Variants in PTPRT observed in about 807,000 individuals in gnomAD.
PTPRT encodes protein tyrosine phosphatase receptor type T.
PTPRT carries 56 observed loss-of-function variants against 176.8 expected under a neutral mutation model. The ratio of observed to expected loss-of-function variants is 0.32; its 90% CI spans 0.26 to 0.40. The LOEUF is 0.40. PTPRT is among the 10% of genes least tolerant of loss of function. The pLI, the probability that PTPRT is intolerant of heterozygous loss-of-function variation, is 1.00. For missense variants in PTPRT, 1,540 were observed against 1,908.2 expected (o/e 0.81, Z 3.60); for synonymous variants, 783 against 739.0 (o/e 1.06, Z -0.96).
intron 5 of PTPRT, among the ~76,000 whole-genome samples, chr20:42,757,161 C>T (rs2076846894): frequency 6.6e-6 from 1 of 152,028 alleles, no homozygotes; most frequent in South Asian, 2.1e-4. Flanking sequence ...GGACACAGGC[C>T]TGGTGGTAAG....
At chr20:42,402,838 A>ATGTGTG (rs142450968) in intron 9 of PTPRT, among the ~76,000 whole-genome samples, 2 of 151,270 alleles carry the variant, frequency 1.3e-5, no homozygotes, top group East Asian at 3.9e-4. Flanking sequence ...GTGTATGTGC[A>ATGTGTG]TGTGTGTGTG....
Position 42,791,220 on chromosome 20 carries a change from CT to C in PTPRT, c.460del (p.Ser154AlafsTer10). ...CTGATAGAAATGTGGCCAGAAAGTGCTGATGGCGAGCTCTGCCTTCACCCAG... is the reference window on the plus strand; with the variant it reads ...CTGATAGAAATGTGGCCAGAAAGTGCGATGGCGAGCTCTGCCTTCACCCAG... ...EGWVKAELAI[S>X]TFWPHFYQVI... On this transcript the variant is annotated frameshift_variant, in exon 3 of 31. Coordinates refer to ENST00000373187, the MANE Select transcript of PTPRT (RefSeq NM_007050.6). LOFTEE classifies it high-confidence loss of function. 6.3e-7 allele frequency: 1 copy of C among 1,595,514 alleles called. No homozygotes were observed. The highest frequency in any genetic ancestry group is 8.5e-7 in the Non-Finnish European group (1 of 1,169,656).
rs77607064 is a variant in PTPRT at position 42,443,423 on chromosome 20, C to A, written c.1560+4797G>T. Among the ~76,000 whole-genome samples the A allele has an allele frequency of 9.1e-3, 1,386 of 152,318 alleles. 23 individuals are homozygous for A. Among genetic ancestry groups the A allele is most frequent in the African/African-American group, 0.03 (1,266 of 41,558 alleles). On this transcript the variant is annotated intron_variant, in intron 9 of 30. Transcript: ENST00000373187. ...TGTGGACACAAGGCCGTTGGTGCTG[C>A]CTCTATCTGTGCATGATCTGTCACT...
At chr20:42,272,982 A>G (rs552337258) in intron 13 of PTPRT, among the ~76,000 whole-genome samples, 26 of 152,278 alleles carry the variant, frequency 1.7e-4, no homozygotes, top group African/African-American at 5.8e-4. Flanking sequence ...TATCTCAGTG[A>G]TCACACATTC....
At chr20:43,167,832 T>C (rs1433497310) in intron 1 of PTPRT, among the ~76,000 whole-genome samples, 7 of 152,132 alleles carry the variant, frequency 4.6e-5, no homozygotes, top group Non-Finnish European at 1.0e-4. Flanking sequence ...TGCCAACAAC[T>C]ATATGAGGTT....
chr20:43,079,203 T>A (rs2011370686), intron 1 of PTPRT, among the ~76,000 whole-genome samples: 1 of 80,468 alleles, frequency 1.2e-5, no homozygotes, highest in Non-Finnish European at 2.2e-5. Flanking sequence ...CCTCTCTCCC[T>A]CTCTATTTCT....
chr20:43,132,935 G>C (rs1162562648), intron 1 of PTPRT, among the ~76,000 whole-genome samples: 2 of 152,140 alleles, frequency 1.3e-5, no homozygotes, highest in Non-Finnish European at 2.9e-5. Flanking sequence ...AAAAGGTAAA[G>C]TGTTTTATCA....
chr20:42,790,985 T>C (rs1425502839), intron 3 of PTPRT, among the ~76,000 whole-genome samples: 1 of 152,348 alleles, frequency 6.6e-6, no homozygotes, highest in African/African-American at 2.4e-5. Context: ...TGTTATTTTA[T>C]CTACATATCA....
chr20:42,349,373 G>A (rs1026123180), intron 11 of PTPRT, among the ~76,000 whole-genome samples: 2 of 152,182 alleles, frequency 1.3e-5, no homozygotes, highest in African/African-American at 2.4e-5. Context: ...CTCTTACAAC[G>A]TTGGTGAAAT....
chr20:42,493,506 AG>A (rs746215185), intron 7 of PTPRT, among the ~76,000 whole-genome samples: 54 of 152,224 alleles, frequency 3.5e-4, no homozygotes, highest in Non-Finnish European at 7.1e-4. Flanking sequence ...CCTATAAAGT[AG>A]GTGTTGAAAA....
intron 19 of PTPRT, among the ~76,000 whole-genome samples, chr20:42,125,771 GTCAGATGC>G (rs1987823372): frequency 6.6e-6 from 1 of 152,204 alleles, no homozygotes. Context: ...CCTGACTGTA[GTCAGATGC>G]TCATTCAACT....
intron 6 of PTPRT, among the ~76,000 whole-genome samples, chr20:42,709,007 A>G (rs987790951): frequency 3.3e-5 from 5 of 152,226 alleles, no homozygotes. Context: ...GTGGAGGTGT[A>G]CAGAGAGGTT....
chr20:42,155,938 C>T (rs1015343385), intron 17 of PTPRT, among the ~76,000 whole-genome samples: 1 of 152,194 alleles, frequency 6.6e-6, no homozygotes, highest in Non-Finnish European at 1.5e-5. Flanking sequence ...GATTACAATC[C>T]AAAGTCATTA....
chr20:42,840,864 C>T (rs923100227), intron 2 of PTPRT, among the ~76,000 whole-genome samples: 1 of 152,284 alleles, frequency 6.6e-6, no homozygotes, highest in Non-Finnish European at 1.5e-5. Flanking sequence ...AGCCCAGCAT[C>T]CCCACATATT....
At chr20:42,499,799 G>A (rs1051590960) in intron 7 of PTPRT, among the ~76,000 whole-genome samples, 1 of 152,088 alleles carries the variant, frequency 6.6e-6, no homozygotes, top group African/African-American at 2.4e-5. Context: ...TGTATAAGTG[G>A]ATGCTTTCAG....
chr20:42,427,495 T>C (rs1275681268), intron 9 of PTPRT, among the ~76,000 whole-genome samples: 1 of 145,204 alleles, frequency 6.9e-6, no homozygotes, highest in Non-Finnish European at 1.5e-5. Context: ...TGAGGTTTTG[T>C]TCTTCATCGA....
chr20:42,589,459 A>G, intron 7 of PTPRT, among the ~76,000 whole-genome samples: 1 of 152,178 alleles, frequency 6.6e-6, no homozygotes, highest in East Asian at 1.9e-4. Flanking sequence ...CAGAAATCCC[A>G]CATTTCAGCA....
chr20:42,301,074 G>A (rs936057256), intron 12 of PTPRT, among the ~76,000 whole-genome samples: 1 of 152,118 alleles, frequency 6.6e-6, no homozygotes, highest in Non-Finnish European at 1.5e-5. Flanking sequence ...AAAGTTTGAA[G>A]AAGATTTTAC....
intron 16 of PTPRT, among the ~76,000 whole-genome samples, chr20:42,184,684 G>A (rs1422987362): frequency 1.3e-5 from 2 of 149,456 alleles, no homozygotes; most frequent in African/African-American, 2.5e-5. Flanking sequence ...TTGGAGTGCA[G>A]TGGCATGATC....
Sources: gnomAD v4.1 joint callset for allele counts (sites outside exome capture counted in the v4.1 genomes callset) on GRCh38, gnomAD v4.1.1 for gene constraint, MANE v1.5 for transcripts, NCBI Gene and HGNC (gene_info 2026-07-23, HGNC 2026-07-21) for gene names.